KDM4C: variants seen among roughly 807,000 people sequenced by gnomAD.
The protein encoded by KDM4C is lysine-specific demethylase 4C.
KDM4C carries 81 observed loss-of-function variants against 129.3 expected under a neutral mutation model. The ratio of observed to expected loss-of-function variants is 0.63; its 90% confidence interval spans 0.52 to 0.75. The LOEUF (loss-of-function observed/expected upper bound fraction) is 0.75. KDM4C is among the 30% of genes least tolerant of loss of function. KDM4C has a pLI of 0.00. For missense variants in KDM4C, 1,457 were observed against 1,304.0 expected (o/e 1.12, Z -1.81); for synonymous variants, 573 against 456.1 (o/e 1.26, Z -3.26).
At chr9:7,032,545 A>G (rs77610306) in intron 15 of KDM4C, among the ~76,000 whole-genome samples, 2,689 of 152,304 alleles carry the variant, frequency 0.018, 36 homozygotes, top group Non-Finnish European at 0.029. Flanking sequence ...ACTAGCAGGG[A>G]TAGACTTTTC....
intron 2 of KDM4C, among the ~76,000 whole-genome samples, chr9:6,797,141 G>A (rs1268209823): frequency 6.6e-6 from 1 of 151,942 alleles, no homozygotes; most frequent in Non-Finnish European, 1.5e-5. Flanking sequence ...ACCCACGCCT[G>A]GGTAATTTTT....
At chr9:6,890,044 G>A (rs1292848667) in intron 7 of KDM4C, among the ~76,000 whole-genome samples, 1 of 152,126 alleles carries the variant, frequency 6.6e-6, no homozygotes, top group East Asian at 1.9e-4. Flanking sequence ...TGACTTTGAG[G>A]GTTGATTGGC....
chr9:7,092,839 A>G (rs1416066560), intron 17 of KDM4C, among the ~76,000 whole-genome samples: 1 of 152,166 alleles, frequency 6.6e-6, no homozygotes, highest in Non-Finnish European at 1.5e-5. Flanking sequence ...CTGCTTGGGT[A>G]ACTGACTGTT....
intron 8 of KDM4C, among the ~76,000 whole-genome samples, chr9:6,899,377 G>T (rs1215358569): frequency 1.3e-5 from 2 of 152,006 alleles, no homozygotes; most frequent in South Asian, 4.2e-4. Flanking sequence ...ATTTTTTAAG[G>T]AAACCCAGGC....
At chr9:6,861,706 A>G (rs1321727187) in intron 5 of KDM4C, among the ~76,000 whole-genome samples, 1 of 151,760 alleles carries the variant, frequency 6.6e-6, no homozygotes, top group East Asian at 1.9e-4. Context: ...GGATTTACTT[A>G]TTTGAGGAAT....
intron 15 of KDM4C, among the ~76,000 whole-genome samples, chr9:7,029,614 A>T (rs1227105401): frequency 6.6e-6 from 1 of 152,112 alleles, no homozygotes; most frequent in Non-Finnish European, 1.5e-5. Context: ...ATTAATAAAC[A>T]AAAAGGAATG....
intron 7 of KDM4C, 121 bp from the exon 8 acceptor site, chr9:6,892,974 T>C: frequency 1.5e-6 from 1 of 651,600 alleles, no homozygotes; most frequent in African/African-American, 1.9e-5. Flanking sequence ...GAACTCTTTT[T>C]GGTAGTGCTC....
chr9:6,945,828 G>T (rs950137763), intron 8 of KDM4C, among the ~76,000 whole-genome samples: 8 of 152,094 alleles, frequency 5.3e-5, no homozygotes, highest in African/African-American at 1.9e-4. Flanking sequence ...TTTAATGTTT[G>T]CTTAAACTTT....
intron 19 of KDM4C, among the ~76,000 whole-genome samples, chr9:7,152,732 G>T (rs1165905145): frequency 1.3e-5 from 2 of 152,104 alleles, no homozygotes; most frequent in African/African-American, 4.8e-5. Context: ...AAAAGAAAGG[G>T]CCTCCACCCC....
chr9:7,024,969 A>G (rs568693872), intron 15 of KDM4C, among the ~76,000 whole-genome samples: 16 of 152,118 alleles, frequency 1.1e-4, no homozygotes, highest in South Asian at 2.1e-4. Context: ...AAGTGTTCCT[A>G]TTTCTCCACA....
intron 19 of KDM4C, among the ~76,000 whole-genome samples, chr9:7,131,022 G>A (rs894752096): frequency 6.6e-6 from 1 of 151,824 alleles, no homozygotes; most frequent in Admixed American, 6.6e-5. Flanking sequence ...TCCCGCCTCG[G>A]CATCCCAAAG....
At chr9:7,059,458 A>T (rs1462980154) in intron 17 of KDM4C, among the ~76,000 whole-genome samples, 1 of 152,214 alleles carries the variant, frequency 6.6e-6, no homozygotes, top group East Asian at 1.9e-4. Context: ...ATGCCTGGGC[A>T]AACTATCTGT....
chr9:7,077,304 T>A (rs1834035452), intron 17 of KDM4C: 3 of 861,824 alleles, frequency 3.5e-6, no homozygotes, highest in South Asian at 1.1e-4. Flanking sequence ...GTATTTACAT[T>A]GCTTTGGACA....
chr9:6,920,540 G>A (rs1442051249), intron 8 of KDM4C, among the ~76,000 whole-genome samples: 1 of 109,344 alleles, frequency 9.1e-6, no homozygotes, highest in Non-Finnish European at 1.8e-5. Flanking sequence ...TCCAGCCTCA[G>A]CAACAGAACA....
chr9:7,021,386 C>A (rs1824830092), intron 15 of KDM4C, among the ~76,000 whole-genome samples: 1 of 152,102 alleles, frequency 6.6e-6, no homozygotes, highest in Non-Finnish European at 1.5e-5. Flanking sequence ...CTCAGGTGAT[C>A]TGCCTTCGTC....
chr9:6,735,766 G>C (rs4742256), intron 1 of KDM4C, among the ~76,000 whole-genome samples: 14,922 of 152,128 alleles, frequency 0.098, 929 homozygotes, highest in South Asian at 0.25. Flanking sequence ...ACATTAAATT[G>C]GTACTAGTAG....
chr9:6,740,425 GA>G (rs1817650219), intron 1 of KDM4C, among the ~76,000 whole-genome samples: 1 of 151,730 alleles, frequency 6.6e-6, no homozygotes, highest in Non-Finnish European at 1.5e-5. Flanking sequence ...GGATGGTCTT[GA>G]TCTCCTGACC....
intron 4 of KDM4C, among the ~76,000 whole-genome samples, chr9:6,819,652 A>G (rs1402641574): frequency 1.3e-5 from 2 of 152,222 alleles, no homozygotes; most frequent in African/African-American, 4.8e-5. Flanking sequence ...AAATTCAACA[A>G]ATGAGAAATA....
At chr9:6,858,787 A>G (rs1259507295) in intron 5 of KDM4C, among the ~76,000 whole-genome samples, 1 of 151,968 alleles carries the variant, frequency 6.6e-6, no homozygotes, top group African/African-American at 2.4e-5. Context: ...GGCAAAAAAA[A>G]AAAATTACTA....
Sources: allele counts gnomAD v4.1 joint callset (sites outside exome capture counted in the v4.1 genomes callset), GRCh38; gene constraint gnomAD v4.1.1; transcripts MANE v1.5; gene names NCBI Gene and HGNC (gene_info 2026-07-23, HGNC 2026-07-21).